CNBD1: variants seen among roughly 807,000 people sequenced by gnomAD.
CNBD1 encodes cyclic nucleotide-binding domain-containing protein 1.
CNBD1 carries 71 observed loss-of-function variants against 54.4 expected under a neutral mutation model. The observed-to-expected ratio is 1.30, with a 90% CI of 1.08 to 1.59. The LOEUF is 1.59. Among genes scored for constraint, CNBD1 ranks in the 40% most tolerant of loss-of-function variants. The pLI is 0.00. For synonymous variants in CNBD1, 182 were observed against 170.7 expected (o/e 1.07, Z -0.51); for missense variants, 659 against 518.0 (o/e 1.27, Z -2.64).
rs531900551 is a variant in CNBD1 at position 86,998,053 on chromosome 8, A to G, written c.431+58299A>G. ...CAAAGGCAAATACATTTCATAAAAT[A>G]CTGGTTTGTTGCAGTTGATTCTTGT... On this transcript the variant is annotated intron_variant, in intron 4 of 10. Coordinates refer to ENST00000518476, the MANE Select transcript of CNBD1 (RefSeq NM_173538.3). Among the ~76,000 whole-genome samples, 406 of 152,232 alleles carry G rather than the reference A, an allele frequency of 2.7e-3. 1 individual carries two copies. Among genetic ancestry groups the G allele is most frequent in the African/African-American group, 9.1e-3 (380 of 41,536 alleles).
At chr8:86,924,271 C>T (rs769715258) in intron 3 of CNBD1, among the ~76,000 whole-genome samples, 9 of 151,984 alleles carry the variant, frequency 5.9e-5, no homozygotes, top group East Asian at 3.9e-4. Flanking sequence ...ATGGCTAGAA[C>T]GATGTTTTTT....
intron 8 of CNBD1, among the ~76,000 whole-genome samples, chr8:87,291,078 A>G (rs1307183463): frequency 2.0e-5 from 3 of 152,158 alleles, no homozygotes; most frequent in African/African-American, 7.2e-5. Flanking sequence ...TTATTCACCC[A>G]CTTAGAAATA....
intron 8 of CNBD1, among the ~76,000 whole-genome samples, chr8:87,331,360 G>T (rs1379591851): frequency 6.6e-6 from 1 of 152,158 alleles, no homozygotes; most frequent in Non-Finnish European, 1.5e-5. Flanking sequence ...ATGGCTTCCA[G>T]TTTCATCAAA....
intron 2 of CNBD1, among the ~76,000 whole-genome samples, chr8:86,892,040 G>A (rs1402226572): frequency 2.0e-5 from 3 of 151,832 alleles, no homozygotes; most frequent in Non-Finnish European, 4.4e-5. Context: ...CTATTGGGCT[G>A]TATTTTTTTT....
chr8:86,978,534 C>CTT (rs71277907), intron 4 of CNBD1, among the ~76,000 whole-genome samples: 120 of 66,694 alleles, frequency 1.8e-3, no homozygotes, highest in Non-Finnish European at 2.6e-3. Context: ...ATGCTTTTAT[C>CTT]TTTTTTTTTT....
intron 4 of CNBD1, among the ~76,000 whole-genome samples, chr8:87,065,744 T>G (rs1284945280): frequency 6.6e-6 from 1 of 151,988 alleles, no homozygotes; most frequent in East Asian, 1.9e-4. Context: ...TTTTATGTTT[T>G]GTCCAAGTCT....
chr8:87,371,467 A>G (rs993020912), intron 10 of CNBD1, among the ~76,000 whole-genome samples: 9 of 151,776 alleles, frequency 5.9e-5, no homozygotes, highest in Non-Finnish European at 1.0e-4. Context: ...TGGATTCCTA[A>G]GTACTTCTAA....
At chr8:87,092,573 G>GTA (rs386413274) in intron 4 of CNBD1, among the ~76,000 whole-genome samples, 3 of 150,186 alleles carry the variant, frequency 2.0e-5, no homozygotes, top group African/African-American at 4.9e-5. Context: ...ATGTGTGTGT[G>GTA]TGTATATATA....
intron 3 of CNBD1, among the ~76,000 whole-genome samples, chr8:86,918,405 G>C (rs1809220941): frequency 6.6e-6 from 1 of 152,084 alleles, no homozygotes; most frequent in South Asian, 2.1e-4. Flanking sequence ...TGCTACAAAA[G>C]GTAAGTGTAA....
rs1433114984 is a variant in CNBD1, at chr8:87,362,713, G to C, written c.1303+8927G>C. On this transcript the variant is annotated intron_variant, in intron 10 of 10. Coordinates refer to ENST00000518476, the MANE Select transcript of CNBD1 (RefSeq NM_173538.3). ...CTCAGAAAAGACCAGGCAGCCATTC[G>C]AACCCTCTGTGAGTCCACGCTTAAC... Among the ~76,000 whole-genome samples, 3 of 152,010 alleles carry C rather than the reference G, an allele frequency of 2.0e-5. No individual in the cohort carries two copies. In the South Asian group the frequency reaches 6.2e-4, roughly 32 times the overall value.
intron 4 of CNBD1, among the ~76,000 whole-genome samples, chr8:87,109,763 C>T (rs1301319869): frequency 2.0e-5 from 3 of 152,016 alleles, no homozygotes; most frequent in East Asian, 3.9e-4. Context: ...TGGTCTTGAT[C>T]TCCTGACCTT....
At chr8:87,020,222 T>G (rs982295404) in intron 4 of CNBD1, among the ~76,000 whole-genome samples, 13 of 151,340 alleles carry the variant, frequency 8.6e-5, no homozygotes, top group African/African-American at 3.2e-4. Flanking sequence ...GATCTAGGAT[T>G]TTTTTTTTAA....
chr8:87,223,054 C>CTT (rs34784758), intron 5 of CNBD1, among the ~76,000 whole-genome samples: 17 of 138,014 alleles, frequency 1.2e-4, no homozygotes, highest in African/African-American at 2.1e-4. Context: ...TCTGATTTTT[C>CTT]TTTTTTTTTT....
chr8:87,250,680 T>C (rs1160403474), intron 6 of CNBD1, among the ~76,000 whole-genome samples: 1 of 152,106 alleles, frequency 6.6e-6, no homozygotes, highest in Non-Finnish European at 1.5e-5. Context: ...ACAACATAGA[T>C]TGAACTGGAG....
chr8:86,921,303 T>C (rs904762943), intron 3 of CNBD1, among the ~76,000 whole-genome samples: 1 of 152,164 alleles, frequency 6.6e-6, no homozygotes, highest in African/African-American at 2.4e-5. Flanking sequence ...ACCCATATTT[T>C]CTCTGAGCTC....
chr8:87,264,757 G>A (rs1348899009), intron 6 of CNBD1, among the ~76,000 whole-genome samples: 1 of 152,090 alleles, frequency 6.6e-6, no homozygotes, highest in East Asian at 1.9e-4. Flanking sequence ...TAGTGATGAT[G>A]AGCATTTTTT....
intron 8 of CNBD1, among the ~76,000 whole-genome samples, chr8:87,338,460 T>TTTGTTG (rs556358906): frequency 6.6e-6 from 1 of 151,972 alleles, no homozygotes; most frequent in Non-Finnish European, 1.5e-5. Flanking sequence ...GGTTGGTGAT[T>TTTGTTG]TTGTTGTTGT....
intron 6 of CNBD1, among the ~76,000 whole-genome samples, chr8:87,247,435 A>G (rs1015703979): frequency 2.0e-5 from 3 of 152,152 alleles, no homozygotes; most frequent in African/African-American, 4.8e-5. Context: ...AGAAATCCCA[A>G]TGTTCACTCA....
chr8:87,330,085 C>T (rs1809788745), intron 8 of CNBD1, among the ~76,000 whole-genome samples: 1 of 151,734 alleles, frequency 6.6e-6, no homozygotes, highest in African/African-American at 2.4e-5. Flanking sequence ...TTAATCTAGG[C>T]TTTTAATCTA....
Sources: gnomAD v4.1 joint callset for allele counts (sites outside exome capture counted in the v4.1 genomes callset) on GRCh38, gnomAD v4.1.1 for gene constraint, MANE v1.5 for transcripts, NCBI Gene and HGNC (gene_info 2026-07-23, HGNC 2026-07-21) for gene names.